The following MYL5 variants were observed in gnomAD, a reference collection of about 807,000 sequenced individuals.
MYL5 encodes myosin regulatory light chain 5.
Under a neutral mutation model 20.8 loss-of-function variants are expected in MYL5, and 28 were observed. The observed-to-expected ratio is 1.35, with a 90% CI of 1.00 to 1.84. The LOEUF is 1.84. Ranked by LOEUF, MYL5 falls within the 40% of genes most tolerant of loss-of-function variation. MYL5 has a pLI of 0.00. For synonymous variants in MYL5, 118 were observed against 87.4 expected, an observed-to-expected ratio of 1.35 and a Z score of -1.95; for missense variants, 274 against 227.3, an observed-to-expected ratio of 1.21 and a Z score of -1.32.
upstream of MYL5, chr4:677,870 T>C: frequency 1.6e-6 from 2 of 1,287,756 alleles, no homozygotes; most frequent in Non-Finnish European, 2.2e-6. Context: ...CTGCCAAAGC[T>C]CACTCTGCAG....
upstream of MYL5, among the ~76,000 whole-genome samples, chr4:677,497 G>A (rs544018125): frequency 2.6e-4 from 39 of 152,316 alleles, no homozygotes; most frequent in African/African-American, 7.7e-4. Flanking sequence ...GAGGTCAGAC[G>A]GGGTGGTCCC....
At chr4:680,745 T>A (rs1739385944) in intron 5 of MYL5, 158 bp downstream of exon 7, 1 of 766,904 alleles carries the variant, frequency 1.3e-6, no homozygotes, top group East Asian at 2.7e-5. Context: ...CCCAGCTGAG[T>A]GGGAGGCCAG....
At chr4:678,117 G>A (rs369284022) in intron 1 of MYL5, 88 bp downstream of exon 3, 292 of 1,579,420 alleles carry the variant, frequency 1.8e-4, no homozygotes, top group Non-Finnish European at 2.4e-4. Flanking sequence ...GAGCGTGGGC[G>A]TGTCCGTGCT....
At chr4:680,955 C>A in intron 5 of MYL5, 137 bp from the exon 8 acceptor site, 1 of 1,004,674 alleles carries the variant, frequency 1.0e-6, no homozygotes, top group Admixed American at 2.1e-5. Flanking sequence ...GGGACCTGCC[C>A]CAGGGCCACA....
intron 3 of MYL5, among the ~76,000 whole-genome samples, chr4:679,552 G>A (rs1007200111): frequency 2.0e-5 from 3 of 152,324 alleles, no homozygotes; most frequent in South Asian, 4.1e-4. Context: ...AGGGCAGGGG[G>A]CTTCGGTCCT....
At chr4:681,668 C>G (rs1242773868) in intron 6 of MYL5, among the ~76,000 whole-genome samples, 1 of 45,598 alleles carries the variant, frequency 2.2e-5, no homozygotes, top group Admixed American at 1.7e-4. Flanking sequence ...CCGCCCCGCC[C>G]CCTCCAGCGC....
At chr4:678,554 C>T in intron 1 of MYL5, 104 bp from the exon 4 acceptor site, 1 of 1,488,650 alleles carries the variant, frequency 6.7e-7, no homozygotes, top group Non-Finnish European at 8.9e-7. Context: ...GCCCGAAGGG[C>T]TGAGGTCCAC....
chr4:678,212 G>A (rs915988925), intron 1 of MYL5, 183 bp downstream of exon 3: 43 of 1,508,280 alleles, frequency 2.9e-5, no homozygotes, highest in Middle Eastern at 2.4e-4. Context: ...GTGACCTTGC[G>A]GGTGTGGGCT....
At chr4:674,665 G>A, upstream of MYL5, 1 of 248,320 alleles carries the variant, frequency 4.0e-6, no homozygotes. Context: ...CTTCTTGCGC[G>A]GAGCGTCGGA....
At position 681,078 on chromosome 4, in the gene MYL5, T is replaced by G. The variant is rs1739435501; in HGVS notation, c.372-14T>G. 1 of 1,593,912 alleles carries G rather than the reference T, an allele frequency of 6.3e-7. No homozygotes were observed. Among genetic ancestry groups the G allele is most frequent in the South Asian group, 1.1e-5 (1 of 87,846 alleles). ...CCCGCATCAGCCCGCGCTGACCCCT[T>G]TCCTCGTCCTCAGCATCAAGCGTCT... is the stretch of plus-strand genomic sequence containing the variant. On this transcript the variant is annotated splice_polypyrimidine_tract_variant and intron_variant, in intron 5 of 6. Transcript: ENST00000400159.
chr4:681,189 C>A, intron 6 of MYL5, 49 bp downstream of exon 8: 1 of 1,573,944 alleles, frequency 6.4e-7, no homozygotes, highest in African/African-American at 1.3e-5. Context: ...GGGCGGGGCT[C>A]CCGGGGTCAG....
At chr4:674,555 G>T (rs1470015017), upstream of MYL5, 2 of 472,904 alleles carry the variant, frequency 4.2e-6, no homozygotes, top group Middle Eastern at 5.8e-4. Flanking sequence ...TCCCCGCAGG[G>T]CTGGGGGTCC....
At chr4:681,093 A>G in exon 6 of MYL5, 3 of 1,602,156 alleles carry the variant, frequency 1.9e-6, no homozygotes, top group Non-Finnish European at 2.6e-6. Context: ...CGTCCTCAGC[A>G]TCAAGCGTCT....
chr4:679,940 C>G (rs754619732), exon 4 of MYL5: 1 of 1,613,838 alleles, frequency 6.2e-7, no homozygotes, highest in Admixed American at 1.7e-5. Flanking sequence ...GGACGACGAG[C>G]TGGACGCCAT....
chr4:680,751 GC>G, intron 5 of MYL5, 164 bp downstream of exon 7: 1 of 734,142 alleles, frequency 1.4e-6, no homozygotes, highest in Non-Finnish European at 2.2e-6. Context: ...TGAGTGGGAG[GC>G]CAGCCCTGCT....
chr4:679,774 A>C (rs374810790), intron 3 of MYL5, 140 bp from the exon 6 acceptor site: 8 of 674,200 alleles, frequency 1.2e-5, no homozygotes, highest in South Asian at 9.2e-5. Context: ...CCACTGCCCC[A>C]CGTGCCTGGG....
intron 4 of MYL5, 129 bp from the exon 7 acceptor site, chr4:680,380 G>A: frequency 4.0e-6 from 4 of 991,568 alleles, no homozygotes; most frequent in Non-Finnish European, 4.7e-6. Flanking sequence ...TCAGGCAGAG[G>A]CCACCTTGTG....
intron 6 of MYL5, 49 bp from the exon 9 acceptor site, chr4:681,844 G>A: frequency 7.7e-7 from 1 of 1,298,530 alleles, no homozygotes; most frequent in Non-Finnish European, 9.8e-7. Flanking sequence ...GTGCGCGCTT[G>A]TAATTCGCTC....
chr4:681,088 T>C lies in MYL5; in HGVS notation c.372-4T>C. On this transcript the variant is annotated splice_polypyrimidine_tract_variant and splice_region_variant and intron_variant, in intron 5 of 6. Transcript: ENST00000400159. ...CCCGCGCTGACCCCTTTCCTCGTCC[T>C]CAGCATCAAGCGTCTGCTGATGTCC... 3 of 1,600,192 alleles carry C rather than the reference T, an allele frequency of 1.9e-6. No individual in the cohort carries two copies. The highest frequency in any genetic ancestry group is 2.6e-6 in the Non-Finnish European group (3 of 1,174,166).
Sources: gnomAD v4.1 joint callset for allele counts (sites outside exome capture counted in the v4.1 genomes callset) on GRCh38, gnomAD v4.1.1 for gene constraint, MANE v1.5 for transcripts, NCBI Gene and HGNC (gene_info 2026-07-23, HGNC 2026-07-21) for gene names.